DMRT1: variants seen among roughly 807,000 people sequenced by gnomAD.
DMRT1 encodes the protein doublesex- and mab-3-related transcription factor 1.
A neutral mutation model predicts 32.3 loss-of-function variants in DMRT1; 7 were observed. That is an observed-to-expected ratio of 0.22 (90% CI 0.12 to 0.41). DMRT1 has a LOEUF of 0.41. DMRT1 is among the 10% of genes least tolerant of loss of function. The pLI, the probability that DMRT1 is intolerant of heterozygous loss-of-function variation, is 1.00. For missense variants in DMRT1, 625 were observed against 500.5 expected (o/e 1.25, Z -2.37); for synonymous variants, 278 against 206.1 (o/e 1.35, Z -2.99).
At chr9:862,018 C>T (rs1053257051) in intron 2 of DMRT1, among the ~76,000 whole-genome samples, 3 of 149,726 alleles carry the variant, frequency 2.0e-5, no homozygotes, top group African/African-American at 7.4e-5. Flanking sequence ...ACTTCCCAGA[C>T]TGGGCGGCCG....
At chr9:870,915 T>C (rs913838975) in intron 2 of DMRT1, among the ~76,000 whole-genome samples, 16 of 151,870 alleles carry the variant, frequency 1.1e-4, no homozygotes, top group Non-Finnish European at 1.5e-4. Context: ...GGTTTCTCCA[T>C]GTTGCCCAGG....
intron 2 of DMRT1, among the ~76,000 whole-genome samples, chr9:889,059 GC>G (rs1007637680): frequency 2.0e-5 from 3 of 152,086 alleles, no homozygotes; most frequent in Non-Finnish European, 4.4e-5. Context: ...CTGTGGTGGG[GC>G]CCAAGAATTT....
chr9:846,562 G>C (rs1838915110), intron 1 of DMRT1, among the ~76,000 whole-genome samples: 1 of 151,946 alleles, frequency 6.6e-6, no homozygotes, highest in Non-Finnish European at 1.5e-5. Flanking sequence ...ATTCTACACA[G>C]TCATTTGTTT....
At chr9:960,607 G>T (rs1431416846) in intron 4 of DMRT1, among the ~76,000 whole-genome samples, 1 of 152,222 alleles carries the variant, frequency 6.6e-6, no homozygotes, top group Non-Finnish European at 1.5e-5. Flanking sequence ...TGAGGTGCCA[G>T]TGTGGATGGC....
chr9:874,378 G>T (rs1045000767), intron 2 of DMRT1, among the ~76,000 whole-genome samples: 15 of 152,228 alleles, frequency 9.9e-5, no homozygotes, highest in African/African-American at 3.6e-4. Context: ...TTTGTATCTA[G>T]ATCTAGTTCT....
At position 968,724 on chromosome 9, in the gene DMRT1, G is replaced by C. The variant is rs766949924; in HGVS notation, c.*585G>C. The C allele has an allele frequency of 6.6e-6, 1 of 152,578 alleles. No individual in the cohort carries two copies. The highest frequency in any genetic ancestry group is 2.1e-4 in the South Asian group (1 of 4,856). 9.5% of individuals were successfully genotyped at this position (152,578 alleles called of 1,614,324 possible). On this transcript the variant is annotated 3_prime_UTR_variant, in exon 5 of 5. Transcript: ENST00000382276. ...CTGAAATATAATCAGAAACATTAAA[G>C]CCTGTAAAAAAAAATTGCTGCGTTT...
intron 2 of DMRT1, among the ~76,000 whole-genome samples, chr9:887,085 A>T (rs372584260): frequency 2.6e-5 from 4 of 152,176 alleles, no homozygotes; most frequent in African/African-American, 9.7e-5. Flanking sequence ...CAGCTACTCC[A>T]GAGGCTGAGG....
chr9:842,379 C>G (rs903775848), intron 1 of DMRT1, 187 bp downstream of exon 1: 2 of 712,824 alleles, frequency 2.8e-6, no homozygotes, highest in Non-Finnish European at 4.5e-6. Flanking sequence ...GGACTACAGG[C>G]GCACACCACC....
intron 4 of DMRT1, among the ~76,000 whole-genome samples, chr9:941,329 T>TCCC (rs139393138): frequency 7.7e-5 from 8 of 103,890 alleles, no homozygotes; most frequent in South Asian, 3.4e-4. Flanking sequence ...ACACACCCCC[T>TCCC]CCCCCCCCCC....
At chr9:902,539 T>TAC (rs1457537028) in intron 3 of DMRT1, among the ~76,000 whole-genome samples, 1 of 150,274 alleles carries the variant, frequency 6.7e-6, no homozygotes, top group African/African-American at 2.5e-5. Context: ...CAGGCTGGAG[T>TAC]ACACCAATGC....
intron 2 of DMRT1, among the ~76,000 whole-genome samples, chr9:850,353 G>A (rs910301810): frequency 3.3e-5 from 5 of 152,216 alleles, no homozygotes; most frequent in African/African-American, 1.2e-4. Context: ...ACACACTGTG[G>A]AGAGTCCTGA....
chr9:940,566 C>G (rs1346962693), intron 4 of DMRT1, among the ~76,000 whole-genome samples: 1 of 151,994 alleles, frequency 6.6e-6, no homozygotes, highest in African/African-American at 2.4e-5. Flanking sequence ...GGATCAAAGA[C>G]CTAAATGCAG....
intron 3 of DMRT1, among the ~76,000 whole-genome samples, chr9:910,319 T>TA (rs145633265): frequency 0.029 from 4,059 of 142,232 alleles, 172 homozygotes; most frequent in African/African-American, 0.097. Context: ...ACTTAGAAAT[T>TA]AAAAAAAAAA....
chr9:856,515 C>G (rs1639387291), intron 2 of DMRT1, among the ~76,000 whole-genome samples: 1 of 152,182 alleles, frequency 6.6e-6, no homozygotes, highest in Non-Finnish European at 1.5e-5. Flanking sequence ...TCTTACTTCT[C>G]TTACTTAGCC....
intron 2 of DMRT1, among the ~76,000 whole-genome samples, chr9:887,686 C>T (rs1472248752): frequency 1.3e-5 from 2 of 152,144 alleles, no homozygotes; most frequent in African/African-American, 2.4e-5. Context: ...TACCCACTGT[C>T]TCTAAATCAC....
chr9:874,030 T>A (rs1161431228), intron 2 of DMRT1, among the ~76,000 whole-genome samples: 3 of 152,234 alleles, frequency 2.0e-5, no homozygotes, highest in African/African-American at 7.2e-5. Flanking sequence ...TATTTTGTAT[T>A]TCTCTTAAGA....
At chr9:924,696 T>C (rs1207870794) in intron 4 of DMRT1, among the ~76,000 whole-genome samples, 2 of 152,190 alleles carry the variant, frequency 1.3e-5, no homozygotes, top group East Asian at 3.9e-4. Flanking sequence ...AAGCAGATAA[T>C]AAACATTTGG....
intron 3 of DMRT1, 74 bp from the exon 4 acceptor site, chr9:916,689 G>A: frequency 6.5e-7 from 1 of 1,548,712 alleles, no homozygotes; most frequent in Non-Finnish European, 8.9e-7. Flanking sequence ...TTGTTTTAAA[G>A]AACTAGATAA....
intron 2 of DMRT1, among the ~76,000 whole-genome samples, chr9:871,499 ATTTTTT>A (rs56390211): frequency 1.7e-5 from 2 of 115,080 alleles, no homozygotes; most frequent in Middle Eastern, 6.0e-3. Flanking sequence ...CGCCCGGCTA[ATTTTTT>A]TTTTTTTTTT....
Sources: gnomAD v4.1 joint callset for allele counts (sites outside exome capture counted in the v4.1 genomes callset) on GRCh38, gnomAD v4.1.1 for gene constraint, MANE v1.5 for transcripts, NCBI Gene and HGNC (gene_info 2026-07-23, HGNC 2026-07-21) for gene names.